FRMD4B: variants seen among roughly 807,000 people sequenced by gnomAD.
The protein encoded by FRMD4B is FERM domain-containing protein 4B.
FRMD4B carries 74 observed loss-of-function variants against 141.5 expected under a neutral mutation model. That is an observed-to-expected ratio of 0.52 (90% CI 0.43 to 0.63). The LOEUF (loss-of-function observed/expected upper bound fraction) is 0.63. Among genes scored for constraint, FRMD4B ranks in the 30% least tolerant of loss-of-function variants. The pLI is 0.00. For synonymous variants in FRMD4B, 506 were observed against 467.9 expected (o/e 1.08, Z -1.05); for missense variants, 1,366 against 1,253.4 (o/e 1.09, Z -1.36).
At chr3:69,505,407 C>A (rs1566329) in intron 1 of FRMD4B, among the ~76,000 whole-genome samples, 89,790 of 151,816 alleles carry the variant, frequency 0.59, 28,453 homozygotes, top group African/African-American at 0.85. Context: ...AAAAAGGAAA[C>A]AAAAGGAAAT....
At chr3:69,500,737 T>G (rs563071342) in intron 1 of FRMD4B, among the ~76,000 whole-genome samples, 3 of 149,636 alleles carry the variant, frequency 2.0e-5, no homozygotes, top group African/African-American at 2.5e-5. Flanking sequence ...AAGCAGTGAC[T>G]GCCACAGAAG....
At chr3:69,373,077 G>C (rs189286650) in intron 1 of FRMD4B, among the ~76,000 whole-genome samples, 41 of 152,326 alleles carry the variant, frequency 2.7e-4, no homozygotes, top group African/African-American at 7.9e-4. Flanking sequence ...GAGAGGAGGA[G>C]AGAGAACTCT....
chr3:69,227,487 C>T (rs942259159), intron 7 of FRMD4B, among the ~76,000 whole-genome samples: 5 of 151,968 alleles, frequency 3.3e-5, no homozygotes, highest in South Asian at 2.1e-4. Flanking sequence ...ACATGTGAAA[C>T]CCCGTCTCTA....
intron 1 of FRMD4B, among the ~76,000 whole-genome samples, chr3:69,490,411 C>A (rs1706283265): frequency 1.3e-5 from 2 of 152,194 alleles, no homozygotes; most frequent in Non-Finnish European, 2.9e-5. Flanking sequence ...AAACTTGCTT[C>A]TCTTATCTTC....
chr3:69,456,133 C>T (rs1705606977), intron 1 of FRMD4B, among the ~76,000 whole-genome samples: 1 of 151,890 alleles, frequency 6.6e-6, no homozygotes, highest in East Asian at 1.9e-4. Context: ...AGGATGCCCC[C>T]AGAGACAAAA....
At chr3:69,185,339 T>C (rs138308885) in intron 19 of FRMD4B, among the ~76,000 whole-genome samples, 3 of 149,918 alleles carry the variant, frequency 2.0e-5, no homozygotes, top group South Asian at 2.1e-4. Context: ...AGAAGAAACA[T>C]AGCAATGTGG....
chr3:69,467,684 C>T (rs1357000087), intron 1 of FRMD4B, among the ~76,000 whole-genome samples: 2 of 152,178 alleles, frequency 1.3e-5, no homozygotes, highest in African/African-American at 4.8e-5. Context: ...ACCATAGTGT[C>T]TCAGCTCTTC....
At position 69,258,082 on chromosome 3, in the gene FRMD4B, G is replaced by C. The variant is rs529794048; in HGVS notation, c.502-7983C>G. Reference sequence around the variant, plus strand: ...GACCTCAAGTGATCTGCTTGCCTCAGCCTCCCAAAGTGCTGGGATTACAGG... The same window carrying C: ...GACCTCAAGTGATCTGCTTGCCTCACCCTCCCAAAGTGCTGGGATTACAGG... On this transcript the variant is annotated intron_variant, in intron 5 of 22. Coordinates refer to ENST00000398540, the MANE Select transcript of FRMD4B (RefSeq NM_015123.3). Among the ~76,000 whole-genome samples the C allele has an allele frequency of 2.9e-4, 44 of 152,220 alleles. No homozygotes were observed. In the South Asian group the frequency reaches 6.6e-3, roughly 23 times the overall value.
chr3:69,407,449 G>A (rs1704669159), intron 2 of FRMD4B, among the ~76,000 whole-genome samples: 1 of 152,136 alleles, frequency 6.6e-6, no homozygotes, highest in Non-Finnish European at 1.5e-5. Context: ...ATACAACACG[G>A]TCCCTAACCT....
chr3:69,323,059 G>A, intron 1 of FRMD4B: 2 of 924,476 alleles, frequency 2.2e-6, no homozygotes, highest in Non-Finnish European at 2.6e-6. Flanking sequence ...AAGACAATGA[G>A]GGAGGGAGAA....
At chr3:69,495,161 C>G (rs567636415) in intron 1 of FRMD4B, among the ~76,000 whole-genome samples, 1 of 152,270 alleles carries the variant, frequency 6.6e-6, no homozygotes, top group African/African-American at 2.4e-5. Context: ...TAATAAACTA[C>G]AACCCCACTA....
chr3:69,348,993 G>C (rs1252164097), intron 1 of FRMD4B, among the ~76,000 whole-genome samples: 1 of 152,180 alleles, frequency 6.6e-6, no homozygotes, highest in Non-Finnish European at 1.5e-5. Flanking sequence ...GCAGGAGAAA[G>C]AAATAAAGGT....
At chr3:69,532,119 C>T (rs529636481) in intron 1 of FRMD4B, among the ~76,000 whole-genome samples, 1 of 152,320 alleles carries the variant, frequency 6.6e-6, no homozygotes, top group South Asian at 2.1e-4. Context: ...ATTAGTTTGT[C>T]AGGATTCTGC....
chr3:69,503,366 T>G (rs1321854397), intron 1 of FRMD4B, among the ~76,000 whole-genome samples: 1 of 151,852 alleles, frequency 6.6e-6, no homozygotes, highest in Non-Finnish European at 1.5e-5. Context: ...TAAAGAAGGA[T>G]GAGTTCATGT....
chr3:69,409,581 T>A lies in FRMD4B; in HGVS notation c.-1+23053A>T, dbSNP rs111471070. ...GAAAAATCTCGATTTTTATACATTA[T>A]CCACCCCTCCCTCACACAACCCAGG... is the stretch of plus-strand genomic sequence containing the variant. On this transcript the variant is annotated intron_variant, in intron 2 of 5. Coordinates refer to the FRMD4B transcript ENST00000459638. 1.0e-3 allele frequency among the ~76,000 whole-genome samples: 154 copies of A among 152,264 alleles called. 1 individual carries two copies. Among genetic ancestry groups the A allele is most frequent in the African/African-American group, 3.5e-3 (146 of 41,548 alleles).
intron 1 of FRMD4B, chr3:69,472,565 A>C (rs1168147292): frequency 2.3e-5 from 5 of 218,244 alleles, no homozygotes; most frequent in Non-Finnish European, 4.7e-5. Flanking sequence ...ATGCACCAAA[A>C]TGTTACAGTT....
At chr3:69,216,543 G>A (rs2093142873) in intron 10 of FRMD4B, among the ~76,000 whole-genome samples, 194 bp from the exon 11 acceptor site, 1 of 148,118 alleles carries the variant, frequency 6.8e-6, no homozygotes, top group Non-Finnish European at 1.5e-5. Flanking sequence ...CAATTCCCCT[G>A]CCTCAGCCTC....
intron 1 of FRMD4B, among the ~76,000 whole-genome samples, chr3:69,370,366 T>A (rs1703791509): frequency 5.9e-5 from 9 of 152,162 alleles, no homozygotes; most frequent in Admixed American, 5.9e-4. Flanking sequence ...TGACAAGAAC[T>A]GCAGAAGCTG....
intron 2 of FRMD4B, among the ~76,000 whole-genome samples, chr3:69,410,752 T>A (rs368501607): frequency 0.071 from 1,907 of 26,936 alleles, 81 homozygotes; most frequent in African/African-American, 0.12. Context: ...TATATATATA[T>A]ATATATATAT....
Sources: gnomAD v4.1 joint callset for allele counts (sites outside exome capture counted in the v4.1 genomes callset) on GRCh38, gnomAD v4.1.1 for gene constraint, MANE v1.5 for transcripts, NCBI Gene and HGNC (gene_info 2026-07-23, HGNC 2026-07-21) for gene names.